PPM1A: variants seen among roughly 807,000 people sequenced by gnomAD.
PPM1A encodes protein phosphatase 1A.
In PPM1A, 7 loss-of-function variants were observed where a neutral mutation model predicts 35.0. The ratio of observed to expected loss-of-function variants is 0.20; its 90% CI spans 0.11 to 0.38. The LOEUF (loss-of-function observed/expected upper bound fraction) is 0.38. Ranked by LOEUF, PPM1A falls within the 10% of genes least tolerant of loss-of-function variation. The pLI is 1.00. For synonymous variants in PPM1A, 153 were observed against 167.3 expected (o/e 0.91, Z 0.66); for missense variants, 239 against 467.8 (o/e 0.51, Z 4.51).
intron 3 of PPM1A, chr14:60,287,245 T>C (rs1167162964): frequency 2.3e-5 from 22 of 959,836 alleles, no homozygotes; most frequent in Non-Finnish European, 2.7e-5. Context: ...GTTATTTTGT[T>C]ACAATAATAA....
At chr14:60,274,908 T>TA (rs1009261973) in intron 1 of PPM1A, among the ~76,000 whole-genome samples, 17 of 150,536 alleles carry the variant, frequency 1.1e-4, no homozygotes, top group Non-Finnish European at 1.6e-4. Flanking sequence ...ACTTCTGAAT[T>TA]AAAAAAAAAG....
chr14:60,295,702 A>C lies in PPM1A; in HGVS notation c.*3220A>C, dbSNP rs928122315. The stretch of plus-strand genomic sequence containing the variant: ...AGTAGATCCTTGGCTTCAAGTTTAC[A>C]TCTGGACAATTTATAATCTAGTGTA... On this transcript the variant is annotated 3_prime_UTR_variant, in exon 6 of 6. Transcript: ENST00000395076. 7 of 151,596 alleles carry C rather than the reference A, an allele frequency of 4.6e-5. No individual in the cohort carries two copies. Among genetic ancestry groups the C allele is most frequent in the Admixed American group, 3.3e-4 (5 of 15,184 alleles). The allele number at this position is 151,596 out of a possible 1,614,324, so 9.4% of individuals were successfully genotyped here.
chr14:60,277,034 G>A, intron 1 of PPM1A: 1 of 1,206,328 alleles, frequency 8.3e-7, no homozygotes, highest in Non-Finnish European at 1.1e-6. Flanking sequence ...CAGATCAACT[G>A]ATAATACTAG....
intron 1 of PPM1A, among the ~76,000 whole-genome samples, chr14:60,257,211 A>G (rs1883234824): frequency 6.6e-6 from 1 of 152,180 alleles, no homozygotes. Flanking sequence ...TTCAAATGAA[A>G]TTCTCAGTGA....
At chr14:60,278,628 C>T (rs1006211965) in intron 1 of PPM1A, among the ~76,000 whole-genome samples, 6 of 152,128 alleles carry the variant, frequency 3.9e-5, no homozygotes, top group African/African-American at 1.4e-4. Flanking sequence ...AGGCTGTGCT[C>T]CAAGTGCTGG....
chr14:60,254,601 C>T (rs1882835378), intron 1 of PPM1A, among the ~76,000 whole-genome samples: 1 of 151,992 alleles, frequency 6.6e-6, no homozygotes, highest in Non-Finnish European at 1.5e-5. Context: ...AAAATGGAGT[C>T]TTTATAAAAG....
chr14:60,280,155 G>A (rs752623283), intron 1 of PPM1A, among the ~76,000 whole-genome samples: 13 of 152,096 alleles, frequency 8.5e-5, no homozygotes, highest in African/African-American at 2.2e-4. Context: ...ACGGGCATGC[G>A]CCACCATGCC....
Position 60,282,917 on chromosome 14 carries a change from T to C in PPM1A, c.214T>C (p.Cys72Arg). Residue 72 changes from cysteine (C) to arginine (R), a missense_variant, in exon 2 of 6, where the codon TGT (cysteine) becomes CGT (arginine). Around this residue, in one of 2 missense-constraint regions of PPM1A, gnomAD observed 175 missense variants for 389.2 expected, o/e 0.45. Coordinates refer to ENST00000395076, the MANE Select transcript of PPM1A (RefSeq NM_021003.5). This position sits in a 1 kb window ranked among gnomAD's most constrained non-coding sequence, Gnocchi z 5.1. ...HAGSQVAKYC[C>R]EHLLDHITNN... Reference sequence around the variant, plus strand: ...TGGTTCTCAGGTTGCCAAATACTGCTGTGAGCATTTGTTAGATCACATCAC... The same window carrying C: ...TGGTTCTCAGGTTGCCAAATACTGCCGTGAGCATTTGTTAGATCACATCAC... The C allele has an allele frequency of 1.2e-6, 2 of 1,614,246 alleles. No homozygotes were observed. The highest frequency in any genetic ancestry group is 1.7e-6 in the Non-Finnish European group (2 of 1,180,046).
chr14:60,262,488 A>C (rs1883855283), intron 1 of PPM1A, among the ~76,000 whole-genome samples: 1 of 152,164 alleles, frequency 6.6e-6, no homozygotes, highest in African/African-American at 2.4e-5. Context: ...GTTTGAGACC[A>C]GCCAGGGCAA....
At chr14:60,246,174 T>C (rs1181433935), upstream of PPM1A, 1 of 884,158 alleles carries the variant, frequency 1.1e-6, no homozygotes, top group Non-Finnish European at 1.7e-6. Flanking sequence ...GAGGGGGTCA[T>C]TTACATTACT....
At chr14:60,271,440 G>A (rs968247147) in intron 1 of PPM1A, among the ~76,000 whole-genome samples, 16 of 152,154 alleles carry the variant, frequency 1.1e-4, no homozygotes, top group Admixed American at 4.6e-4. Flanking sequence ...TTTAGAGTGA[G>A]GCAGACATAT....
chr14:60,290,691 C>T (rs1446067477), intron 4 of PPM1A, among the ~76,000 whole-genome samples: 2 of 152,084 alleles, frequency 1.3e-5, no homozygotes, highest in African/African-American at 4.8e-5. Context: ...TCTCGATTCT[C>T]TACTGTGTTT....
chr14:60,290,308 T>C (rs1200299389), intron 4 of PPM1A, among the ~76,000 whole-genome samples: 1 of 152,136 alleles, frequency 6.6e-6, no homozygotes, highest in Non-Finnish European at 1.5e-5. Context: ...ACCCTGAAAA[T>C]TCCCCTTCCT....
At chr14:60,286,362 T>G (rs1008166401) in intron 3 of PPM1A, 2 of 985,814 alleles carry the variant, frequency 2.0e-6, no homozygotes, top group African/African-American at 3.5e-5. Context: ...AGAAATAAGT[T>G]GAGCATTTCT....
Position 60,296,150 on chromosome 14 carries a change from C to G in PPM1A, c.*3668C>G, listed in dbSNP as rs1888049929. 2 of 151,704 alleles carry G rather than the reference C, an allele frequency of 1.3e-5. No homozygotes were observed. The highest frequency in any genetic ancestry group is 4.8e-5 in the African/African-American group (2 of 41,398). 9.4% of individuals were successfully genotyped at this position (151,704 alleles called of 1,614,324 possible). A position where few individuals can be genotyped will look rare whatever the true frequency, so the allele number is the denominator to read the frequency against. ...AGCTAAATTTATCTTAAGTAGAACT[C>G]TGTGTTTTTGTAACACACTGCCAGT... On this transcript the variant is annotated 3_prime_UTR_variant, in exon 6 of 6. Coordinates refer to ENST00000395076, the MANE Select transcript of PPM1A (RefSeq NM_021003.5). This position sits in a 1 kb window ranked among gnomAD's most constrained non-coding sequence, Gnocchi z 4.4.
chr14:60,245,877 A>G, upstream of PPM1A: 1 of 1,592,502 alleles, frequency 6.3e-7, no homozygotes, highest in East Asian at 2.2e-5. The surrounding 1 kb of genome is among the most constrained non-coding windows in gnomAD (Gnocchi z 4.2). Flanking sequence ...AATGGGTAGC[A>G]GAAGCTACAA....
At position 60,273,002 on chromosome 14, in the gene PPM1A, A is replaced by T. The variant is rs1436236922; in HGVS notation, c.-20-9682A>T. Among the ~76,000 whole-genome samples, 1 of 151,960 alleles carries T rather than the reference A, an allele frequency of 6.6e-6. No homozygotes were observed. On this transcript the variant is annotated intron_variant, in intron 1 of 5. Transcript: ENST00000395076. This position sits in a 1 kb window ranked among gnomAD's most constrained non-coding sequence, Gnocchi z 4.3. The stretch of plus-strand genomic sequence containing the variant: ...AACTAGGAGTGGGTTTTTAGCAATT[A>T]ATTCAGTGAGCTTGTTAATTTTGAA...
rs1029022429 is a variant in PPM1A at position 60,283,648 on chromosome 14, T to C, written c.834+111T>C. On this transcript the variant is annotated intron_variant, in intron 2 of 5. Transcript: ENST00000395076. This position sits in a 1 kb window ranked among gnomAD's most constrained non-coding sequence, Gnocchi z 6.3. ...TTCTGAAACCAGTTTTTGGCACAAC[T>C]GTAGGATACTGTTCACCAATTATGA... 9.9e-7 allele frequency: 1 copy of C among 1,007,194 alleles called. No homozygotes were observed. Among genetic ancestry groups the C allele is most frequent in the African/African-American group, 1.6e-5 (1 of 60,978 alleles). 62.4% of individuals were successfully genotyped at this position (1,007,194 alleles called of 1,614,324 possible).
intron 1 of PPM1A, among the ~76,000 whole-genome samples, chr14:60,281,327 A>T (rs1886388054): frequency 6.6e-6 from 1 of 152,196 alleles, no homozygotes; most frequent in Non-Finnish European, 1.5e-5. Context: ...TGGTTTTATC[A>T]CGCCAATCAG....
Sources: allele counts gnomAD v4.1 joint callset (sites outside exome capture counted in the v4.1 genomes callset), GRCh38; gene constraint gnomAD v4.1.1; regional missense constraint gnomAD v4.1.1; non-coding constraint Gnocchi (gnomAD v3.1); transcripts MANE v1.5; gene names NCBI Gene and HGNC (gene_info 2026-07-23, HGNC 2026-07-21).